OR3A2: variants seen among roughly 807,000 people sequenced by gnomAD.
OR3A2 encodes the protein olfactory receptor family 3 subfamily A member 2, also known as olfactory receptor 3A2.
For missense variants in OR3A2, 318 were observed against 392.8 expected, an observed-to-expected ratio of 0.81 and a Z score of 1.61; for synonymous variants, 126 against 159.3, an observed-to-expected ratio of 0.79 and a Z score of 1.57.
At chr17:3,279,825 T>C (rs1395451860) in intron 1 of OR3A2, among the ~76,000 whole-genome samples, 2 of 151,654 alleles carry the variant, frequency 1.3e-5, no homozygotes, top group Non-Finnish European at 2.9e-5. Context: ...AACACCTAGG[T>C]TTAAAGGCTT....
intron 2 of OR3A2, among the ~76,000 whole-genome samples, chr17:3,347,944 G>C (rs1027242089): frequency 2.0e-5 from 3 of 152,166 alleles, no homozygotes; most frequent in African/African-American, 7.2e-5. Context: ...ATTCTAACTG[G>C]TGTGAAATGG....
intron 2 of OR3A2, among the ~76,000 whole-genome samples, chr17:3,358,264 T>C (rs926148655): frequency 2.6e-5 from 4 of 151,824 alleles, no homozygotes; most frequent in Non-Finnish European, 4.4e-5. Context: ...TTTTCTTGTG[T>C]CTTGATTTCC....
At chr17:3,360,383 T>C (rs1212124591) in intron 2 of OR3A2, among the ~76,000 whole-genome samples, 1 of 151,740 alleles carries the variant, frequency 6.6e-6, no homozygotes, top group African/African-American at 2.4e-5. Context: ...TTCACCCTGA[T>C]GGTAGTTTCT....
At chr17:3,338,430 T>C (rs988892235) in intron 2 of OR3A2, among the ~76,000 whole-genome samples, 22 of 152,190 alleles carry the variant, frequency 1.4e-4, no homozygotes, top group Non-Finnish European at 2.9e-4. Flanking sequence ...CTTTAATCCA[T>C]CTTGAATTAA....
intron 3 of OR3A2, among the ~76,000 whole-genome samples, chr17:3,331,298 C>A (rs1318739428): frequency 1.3e-5 from 2 of 152,080 alleles, no homozygotes; most frequent in Admixed American, 6.5e-5. Context: ...TGGATAACAT[C>A]CTGCAGAGTG....
upstream of OR3A2, among the ~76,000 whole-genome samples, chr17:3,289,076 T>C (rs1038460209): frequency 1.3e-5 from 2 of 152,068 alleles, no homozygotes; most frequent in African/African-American, 4.8e-5. Context: ...CAACACAGTA[T>C]GGTTTTGAAT....
At chr17:3,329,296 C>T (rs1213794680) in intron 3 of OR3A2, among the ~76,000 whole-genome samples, 1 of 150,280 alleles carries the variant, frequency 6.7e-6, no homozygotes, top group Non-Finnish European at 1.5e-5. Context: ...GTACCTGTTC[C>T]TCCTTGTACC....
At chr17:3,314,001 TAA>T (rs777971014) in intron 3 of OR3A2, among the ~76,000 whole-genome samples, 17 of 152,164 alleles carry the variant, frequency 1.1e-4, no homozygotes, top group Non-Finnish European at 2.2e-4. Flanking sequence ...TATAAAGATA[TAA>T]AGAGAAAATT....
At chr17:3,363,663 C>T (rs1277559106) in intron 2 of OR3A2, among the ~76,000 whole-genome samples, 1 of 148,098 alleles carries the variant, frequency 6.8e-6, no homozygotes, top group East Asian at 1.9e-4. Flanking sequence ...TAGCAATGCC[C>T]ACTTCCCTGG....
chr17:3,319,381 A>AT (rs1478334304), intron 3 of OR3A2, among the ~76,000 whole-genome samples: 8 of 151,650 alleles, frequency 5.3e-5, no homozygotes, highest in Admixed American at 1.3e-4. Flanking sequence ...ATTTTTTTAA[A>AT]TTTTATTATT....
intron 3 of OR3A2, among the ~76,000 whole-genome samples, chr17:3,312,985 A>G (rs887368234): frequency 2.0e-5 from 3 of 152,164 alleles, no homozygotes; most frequent in African/African-American, 7.2e-5. Context: ...TTTAATTCAT[A>G]CGTACAGATA....
intron 3 of OR3A2, among the ~76,000 whole-genome samples, chr17:3,305,951 G>A (rs1334197993): frequency 6.6e-6 from 1 of 152,192 alleles, no homozygotes; most frequent in Non-Finnish European, 1.5e-5. Flanking sequence ...CATATTACCT[G>A]AAAAATAGTA....
chr17:3,306,694 A>C (rs116652491), intron 3 of OR3A2, among the ~76,000 whole-genome samples: 5 of 118,226 alleles, frequency 4.2e-5, no homozygotes, highest in Admixed American at 1.8e-4. Flanking sequence ...AAAAAAAAAA[A>C]ACCGTAACCC....
intron 2 of OR3A2, among the ~76,000 whole-genome samples, chr17:3,350,171 A>C (rs2049406868): frequency 6.6e-6 from 1 of 151,926 alleles, no homozygotes; most frequent in African/African-American, 2.4e-5. Flanking sequence ...AAGGCAAGAA[A>C]TAACTAAAAT....
chr17:3,280,466 G>GT (rs2048770430), intron 1 of OR3A2, among the ~76,000 whole-genome samples: 1 of 151,998 alleles, frequency 6.6e-6, no homozygotes, highest in African/African-American at 2.4e-5. Context: ...TAGAGACGGG[G>GT]TTTCACCGTG....
intron 2 of OR3A2, among the ~76,000 whole-genome samples, chr17:3,350,258 A>T (rs1160143263): frequency 2.6e-5 from 4 of 152,132 alleles, no homozygotes; most frequent in Admixed American, 1.3e-4. Flanking sequence ...GTTTTTTGAA[A>T]GGATCAACAA....
At position 3,359,021 on chromosome 17, in the gene OR3A2, A is replaced by G. The variant is rs111996080; in HGVS notation, c.-178-22895T>C. Among the ~76,000 whole-genome samples the G allele has an allele frequency of 9.3e-3, 1,413 of 151,814 alleles. 66 individuals are homozygous for G. The highest frequency in any genetic ancestry group is 0.032 in the African/African-American group (1,326 of 41,156). On this transcript the variant is annotated intron_variant, in intron 2 of 4. Transcript: ENST00000573491. Reference sequence around the variant, plus strand: ...ATCTTCTTGTTGAATTGAACCCTTTACCATTGTGTAGTGTCCTTCTTTGTC... The same window carrying G: ...ATCTTCTTGTTGAATTGAACCCTTTGCCATTGTGTAGTGTCCTTCTTTGTC...
At chr17:3,372,667 T>C (rs1355391683) in intron 2 of OR3A2, among the ~76,000 whole-genome samples, 2 of 151,712 alleles carry the variant, frequency 1.3e-5, no homozygotes, top group Admixed American at 6.6e-5. Context: ...ACCAAAAAAA[T>C]ACGAAAACCA....
intron 3 of OR3A2, among the ~76,000 whole-genome samples, chr17:3,325,857 C>A (rs541548835): frequency 6.6e-6 from 1 of 152,086 alleles, no homozygotes; most frequent in South Asian, 2.1e-4. Flanking sequence ...TAGATGTGTG[C>A]CATGGTGGGT....
Sources: gnomAD v4.1 joint callset for allele counts (sites outside exome capture counted in the v4.1 genomes callset) on GRCh38, gnomAD v4.1.1 for gene constraint, MANE v1.5 for transcripts, NCBI Gene and HGNC (gene_info 2026-07-23, HGNC 2026-07-21) for gene names.